Variants in ATP10B observed in about 807,000 individuals in gnomAD.
The protein encoded by ATP10B is phospholipid-transporting ATPase VB.
ATP10B carries 122 observed loss-of-function variants against 141.2 expected under a neutral mutation model. That is an observed-to-expected ratio of 0.86 (90% CI 0.75 to 1.00). ATP10B has a LOEUF of 1.00. ATP10B is among the 50% of genes least tolerant of loss of function. The pLI, the probability that ATP10B is intolerant of heterozygous loss-of-function variation, is 0.00. For missense variants in ATP10B, 1,876 were observed against 1,825.3 expected (o/e 1.03, Z -0.51); for synonymous variants, 685 against 692.0 (o/e 0.99, Z 0.16).
intron 1 of ATP10B, among the ~76,000 whole-genome samples, chr5:160,827,290 T>G (rs1182666228): frequency 1.3e-5 from 2 of 152,208 alleles, no homozygotes; most frequent in African/African-American, 4.8e-5. Flanking sequence ...CAGGTTCCCC[T>G]GATACCTTTT....
intron 2 of ATP10B, among the ~76,000 whole-genome samples, chr5:160,777,364 C>G (rs946390685): frequency 6.6e-6 from 1 of 152,174 alleles, no homozygotes; most frequent in Non-Finnish European, 1.5e-5. Flanking sequence ...CAAGGCTGCC[C>G]TACCCTCCTA....
At chr5:160,656,247 T>C (rs1466312651) in intron 7 of ATP10B, among the ~76,000 whole-genome samples, 1 of 152,244 alleles carries the variant, frequency 6.6e-6, no homozygotes, top group African/African-American at 2.4e-5. Flanking sequence ...TTCTGTAAAC[T>C]TCTGGCTTTC....
At chr5:160,868,419 T>C in the ATP10B span, among the ~76,000 whole-genome samples, 1 of 152,066 alleles carries the variant, frequency 6.6e-6, no homozygotes, top group Non-Finnish European at 1.5e-5. Context: ...TTGAACATTT[T>C]ACTTGCTGAA....
chr5:160,607,063 ATTGAGG>A lies in ATP10B; in HGVS notation c.2856_2861del (p.Leu953_Asn954del). On this transcript the variant is annotated inframe_deletion, in exon 19 of 26. Transcript: ENST00000327245. ...ATTGCTTTAGCTCTTCCAATGCACA[ATTGAGG>A]ATGGATTCACAGGTCTCCTATAAAG... The A allele has an allele frequency of 6.2e-7, 1 of 1,613,334 alleles. No homozygotes were observed. Among genetic ancestry groups the A allele is most frequent in the African/African-American group, 1.3e-5 (1 of 75,022 alleles).
At chr5:160,800,449 A>G (rs1159302589) in intron 1 of ATP10B, among the ~76,000 whole-genome samples, 1 of 152,226 alleles carries the variant, frequency 6.6e-6, no homozygotes, top group African/African-American at 2.4e-5. Context: ...GTGACCATTG[A>G]AAAGCAGAGA....
intron 2 of ATP10B, among the ~76,000 whole-genome samples, chr5:160,752,468 C>T (rs1364193187): frequency 6.6e-6 from 1 of 152,160 alleles, no homozygotes; most frequent in Non-Finnish European, 1.5e-5. Context: ...TTCAAGCTCT[C>T]CTTATTTTCT....
intron 2 of ATP10B, among the ~76,000 whole-genome samples, chr5:160,748,449 C>T (rs755911349): frequency 6.6e-5 from 10 of 152,300 alleles, no homozygotes; most frequent in South Asian, 4.1e-4. Flanking sequence ...AAACCAAATA[C>T]GCTTCATCCA....
At chr5:160,587,596 T>C (rs1186194276) in intron 24 of ATP10B, among the ~76,000 whole-genome samples, 2 of 152,218 alleles carry the variant, frequency 1.3e-5, no homozygotes, top group African/African-American at 2.4e-5. Flanking sequence ...GTGTCCTCTT[T>C]TATTTCCTTG....
intron 2 of ATP10B, among the ~76,000 whole-genome samples, chr5:160,770,757 G>T (rs931667682): frequency 6.6e-6 from 1 of 152,166 alleles, no homozygotes; most frequent in East Asian, 1.9e-4. Flanking sequence ...TAAAATAGTT[G>T]ATCTAAATAG....
the ATP10B span, among the ~76,000 whole-genome samples, chr5:160,918,690 T>C: frequency 6.6e-6 from 1 of 152,226 alleles, no homozygotes; most frequent in South Asian, 2.1e-4. Flanking sequence ...AGAGGTTGGG[T>C]TGGATCATCA....
intron 8 of ATP10B, among the ~76,000 whole-genome samples, 179 bp downstream of exon 8, chr5:160,648,992 C>CAA (rs369416034): frequency 0.01 from 1,214 of 120,400 alleles, 13 homozygotes; most frequent in African/African-American, 0.034. Context: ...TATCACTCAG[C>CAA]AAAAAAAAAA....
chr5:160,914,289 AGTGT>A, the ATP10B span, among the ~76,000 whole-genome samples: 3 of 152,188 alleles, frequency 2.0e-5, no homozygotes, highest in Non-Finnish European at 4.4e-5. Flanking sequence ...TTCTAAAGAA[AGTGT>A]GTAAGTCTAA....
In ATP10B at chr5:160,606,880, A is replaced by G. The variant is rs1196895713; in HGVS notation, c.3045T>C (p.Phe1015=). 2 of 1,614,162 alleles carry G rather than the reference A, an allele frequency of 1.2e-6. No homozygotes were observed. The highest frequency in any genetic ancestry group is 2.2e-5 in the South Asian group (2 of 91,074). The change falls in exon 19 of 26, where the codon TTT becomes TTC. Residue 1015 remains phenylalanine, a synonymous_variant. Transcript: ENST00000327245. The stretch of plus-strand genomic sequence containing the variant: ...ACCGACAATACTGGGTCAATTCCAG[A>G]AACTTCTTCTCTAGCTTTCCCTGGA... ...AIFQGKLEKK[F]LELTQYCRSV...
intron 2 of ATP10B, among the ~76,000 whole-genome samples, chr5:160,778,117 A>T (rs1770465421): frequency 1.3e-5 from 2 of 152,354 alleles, no homozygotes; most frequent in African/African-American, 4.8e-5. Flanking sequence ...AATTTTCAGT[A>T]AATATTCATA....
chr5:160,896,910 T>G, the ATP10B span, among the ~76,000 whole-genome samples: 2 of 152,190 alleles, frequency 1.3e-5, no homozygotes, highest in South Asian at 4.1e-4. Flanking sequence ...ATAAATGTAA[T>G]CCATCACATA....
At chr5:160,599,479 A>G (rs1175393247) in intron 21 of ATP10B, among the ~76,000 whole-genome samples, 1 of 152,208 alleles carries the variant, frequency 6.6e-6, no homozygotes, top group African/African-American at 2.4e-5. Flanking sequence ...CTTTCTGAAT[A>G]GCATTTTATC....
chr5:160,699,729 G>A (rs747211208), intron 3 of ATP10B, among the ~76,000 whole-genome samples: 10 of 152,066 alleles, frequency 6.6e-5, no homozygotes, highest in Non-Finnish European at 1.3e-4. Context: ...AAGGCAAAGG[G>A]ACAAGAATTA....
At chr5:160,832,079 A>T (rs1486698374) in intron 1 of ATP10B, among the ~76,000 whole-genome samples, 4 of 151,540 alleles carry the variant, frequency 2.6e-5, no homozygotes. Context: ...GCATTTGTCA[A>T]CAAGTAATCA....
Position 160,612,874 on chromosome 5 carries a change from G to A in ATP10B, c.2705C>T (p.Ala902Val). The A allele has an allele frequency of 6.2e-7, 1 of 1,613,946 alleles. No individual in the cohort carries two copies. Among genetic ancestry groups the A allele is most frequent in the Non-Finnish European group, 8.5e-7 (1 of 1,179,932 alleles). Residue 902 changes from alanine (A) to valine (V), a missense_variant, in exon 18 of 26, where the codon GCC (alanine) becomes GTC (valine). Coordinates refer to ENST00000327245, the MANE Select transcript of ATP10B (RefSeq NM_025153.3). ...CTGGATCCCAGCCTCCCGCAGAGTG[G>A]CAATCGTATCTGGAACTCCTTCCTG... is the stretch of plus-strand genomic sequence containing the variant. ...RLQEGVPDTI[A>V]TLREAGIQLW...
Sources: allele counts gnomAD v4.1 joint callset (sites outside exome capture counted in the v4.1 genomes callset), GRCh38; gene constraint gnomAD v4.1.1; transcripts MANE v1.5; gene names NCBI Gene and HGNC (gene_info 2026-07-23, HGNC 2026-07-21).